ZNF804B: variants seen among roughly 807,000 people sequenced by gnomAD.
The protein encoded by ZNF804B is zinc finger 804B.
Under a neutral mutation model 101.4 loss-of-function variants are expected in ZNF804B, and 80 were observed. The ratio of observed to expected loss-of-function variants is 0.79; its 90% CI spans 0.66 to 0.95. The LOEUF (loss-of-function observed/expected upper bound fraction) is 0.95, where lower values mean the gene tolerates loss of function less well. Among genes scored for constraint, ZNF804B ranks in the 40% least tolerant of loss-of-function variants. The probability of loss-of-function intolerance (pLI) is 0.00; values close to 1 mark genes in which losing one functional copy is unlikely to be tolerated. For missense variants in ZNF804B, 1,673 were observed against 1,561.9 expected (o/e 1.07, Z -1.20); for synonymous variants, 622 against 558.8 (o/e 1.11, Z -1.59).
intron 1 of ZNF804B, among the ~76,000 whole-genome samples, chr7:88,874,128 T>C (rs1791885040): frequency 6.6e-6 from 1 of 152,198 alleles, no homozygotes; most frequent in Non-Finnish European, 1.5e-5. Context: ...CATTTGTTTG[T>C]ATCCTCTTTT....
At chr7:88,839,440 A>G (rs529417311) in intron 1 of ZNF804B, among the ~76,000 whole-genome samples, 98 of 152,146 alleles carry the variant, frequency 6.4e-4, no homozygotes, top group African/African-American at 2.2e-3. Flanking sequence ...ACTGCTGTCC[A>G]GAAAGTAGAG....
At chr7:89,239,966 G>T (rs989356806) in intron 2 of ZNF804B, among the ~76,000 whole-genome samples, 3 of 151,586 alleles carry the variant, frequency 2.0e-5, no homozygotes, top group Admixed American at 6.6e-5. Flanking sequence ...GTCATTAATG[G>T]TATCTAACTT....
At chr7:88,883,213 C>T (rs1792069275) in intron 1 of ZNF804B, among the ~76,000 whole-genome samples, 1 of 152,060 alleles carries the variant, frequency 6.6e-6, no homozygotes, top group African/African-American at 2.4e-5. Flanking sequence ...TGATTATTTA[C>T]AGCCTCCACT....
intron 2 of ZNF804B, among the ~76,000 whole-genome samples, chr7:89,227,681 A>G (rs1789116283): frequency 6.6e-6 from 1 of 152,158 alleles, no homozygotes. Flanking sequence ...GATATGAAGG[A>G]GCAACCCATA....
At chr7:89,065,040 A>G (rs1209145053) in intron 1 of ZNF804B, among the ~76,000 whole-genome samples, 1 of 151,298 alleles carries the variant, frequency 6.6e-6, no homozygotes, top group African/African-American at 2.4e-5. Flanking sequence ...AGTTTGGAGG[A>G]AAAAAATCAC....
At chr7:89,188,543 A>C (rs191587035) in intron 1 of ZNF804B, among the ~76,000 whole-genome samples, 50 of 152,322 alleles carry the variant, frequency 3.3e-4, no homozygotes, top group Admixed American at 9.8e-4. Context: ...AAGGCATGGC[A>C]AAAGCTGAGA....
intron 1 of ZNF804B, among the ~76,000 whole-genome samples, chr7:88,902,691 A>G (rs1038312145): frequency 1.6e-4 from 25 of 152,106 alleles, no homozygotes; most frequent in Admixed American, 1.3e-4. Context: ...TACTTTAAAT[A>G]TAATCAATTC....
intron 1 of ZNF804B, among the ~76,000 whole-genome samples, chr7:88,856,468 C>T (rs1791560882): frequency 6.6e-6 from 1 of 152,166 alleles, no homozygotes; most frequent in Admixed American, 6.5e-5. Context: ...TATCCTGAGA[C>T]TTTGCTGAAG....
At chr7:89,267,587 A>T (rs1019671389) in intron 2 of ZNF804B, among the ~76,000 whole-genome samples, 1 of 152,106 alleles carries the variant, frequency 6.6e-6, no homozygotes. Flanking sequence ...ATGTCTTCAG[A>T]CCTTATCCTA....
chr7:88,966,015 A>G (rs1400368351), intron 1 of ZNF804B, among the ~76,000 whole-genome samples: 2 of 151,488 alleles, frequency 1.3e-5, no homozygotes, highest in African/African-American at 4.8e-5. Context: ...TGTTATCTTA[A>G]GTGGGAATTG....
At chr7:88,782,526 A>G (rs1790245150) in intron 1 of ZNF804B, among the ~76,000 whole-genome samples, 1 of 152,080 alleles carries the variant, frequency 6.6e-6, no homozygotes, top group Non-Finnish European at 1.5e-5. Flanking sequence ...TATATTTCAA[A>G]TATGCAAATG....
intron 1 of ZNF804B, among the ~76,000 whole-genome samples, chr7:89,159,222 T>TA (rs1290854588): frequency 6.6e-6 from 1 of 152,182 alleles, no homozygotes; most frequent in African/African-American, 2.4e-5. Context: ...CATTCAAATC[T>TA]ACAAGCTCAT....
At chr7:89,118,589 C>G (rs912343675) in intron 1 of ZNF804B, among the ~76,000 whole-genome samples, 11 of 151,956 alleles carry the variant, frequency 7.2e-5, no homozygotes, top group Admixed American at 4.6e-4. Context: ...AAAAAAATGG[C>G]CGTAATAAGA....
intron 1 of ZNF804B, among the ~76,000 whole-genome samples, chr7:89,166,097 T>C (rs1584027290): frequency 2.0e-5 from 3 of 152,278 alleles, no homozygotes; most frequent in African/African-American, 7.2e-5. Flanking sequence ...TGGTGTCCTG[T>C]CCCCTGGCGT....
In ZNF804B at chr7:89,333,590, T is replaced by C. The variant is rs1427514090; in HGVS notation, c.608T>C (p.Val203Ala). ...AGGCGTTGTTTGTTTGGAAATCAGG[T>C]ACTGCAAACATCTTCAGATCTCAGC... ...SDRRCLFGNQ[V>A]LQTSSDLSNA... The change falls in exon 4 of 4, where the codon GTA becomes GCA. Residue 203 changes from valine to alanine, a missense_variant. Physicochemically the swap from Val to Ala is moderately conservative, Grantham distance 64 (BLOSUM62 0). Transcript: ENST00000333190. 2 of 1,613,622 alleles carry C rather than the reference T, an allele frequency of 1.2e-6. No homozygotes were observed. Among genetic ancestry groups the C allele is most frequent in the Non-Finnish European group, 1.7e-6 (2 of 1,179,730 alleles).
At chr7:88,869,823 T>A (rs1791787455) in intron 1 of ZNF804B, among the ~76,000 whole-genome samples, 1 of 152,124 alleles carries the variant, frequency 6.6e-6, no homozygotes, top group African/African-American at 2.4e-5. Context: ...AATCTCCTAA[T>A]GCCTTCCCAA....
At chr7:89,101,786 G>A (rs1790059360) in intron 1 of ZNF804B, among the ~76,000 whole-genome samples, 1 of 151,738 alleles carries the variant, frequency 6.6e-6, no homozygotes, top group Admixed American at 6.6e-5. Context: ...GTAGGGATTG[G>A]GCTTTTAGTG....
chr7:89,015,484 C>G (rs767965704), intron 1 of ZNF804B, among the ~76,000 whole-genome samples: 1 of 151,830 alleles, frequency 6.6e-6, no homozygotes, highest in Non-Finnish European at 1.5e-5. Context: ...TATCCCTCCC[C>G]GCTCCCCCCA....
At chr7:89,089,968 G>T (rs554445377) in intron 1 of ZNF804B, among the ~76,000 whole-genome samples, 3 of 151,906 alleles carry the variant, frequency 2.0e-5, no homozygotes, top group African/African-American at 7.3e-5. Context: ...AATAGCCTAA[G>T]ATTTTTTCTC....
Sources: gnomAD v4.1 joint callset for allele counts (sites outside exome capture counted in the v4.1 genomes callset) on GRCh38, gnomAD v4.1.1 for gene constraint, MANE v1.5 for transcripts, NCBI Gene and HGNC (gene_info 2026-07-23, HGNC 2026-07-21) for gene names.